DGKI: variants seen among roughly 807,000 people sequenced by gnomAD.
The protein encoded by DGKI is diacylglycerol kinase iota.
In DGKI, 55 loss-of-function variants were observed where a neutral mutation model predicts 147.5. The ratio of observed to expected loss-of-function variants is 0.37; its 90% CI spans 0.30 to 0.47. DGKI has a LOEUF of 0.47. Ranked by LOEUF, DGKI falls within the 20% of genes least tolerant of loss-of-function variation. The pLI, the probability that DGKI is intolerant of heterozygous loss-of-function variation, is 1.00. For missense variants in DGKI, 1,007 were observed against 1,323.8 expected (o/e 0.76, Z 3.71); for synonymous variants, 469 against 477.1 (o/e 0.98, Z 0.22).
At chr7:137,744,757 G>A (rs951728969) in intron 1 of DGKI, among the ~76,000 whole-genome samples, 12 of 152,076 alleles carry the variant, frequency 7.9e-5, no homozygotes, top group Admixed American at 2.0e-4. Context: ...ATTAATAAGC[G>A]TGATTTACCA....
chr7:137,690,922 T>C (rs909297462), intron 1 of DGKI, among the ~76,000 whole-genome samples: 2 of 152,236 alleles, frequency 1.3e-5, no homozygotes, highest in African/African-American at 4.8e-5. Context: ...GTTCAATTTC[T>C]GAATGGCCTC....
intron 20 of DGKI, among the ~76,000 whole-genome samples, chr7:137,550,083 G>A (rs764432905): frequency 8.6e-5 from 13 of 151,820 alleles, no homozygotes; most frequent in Non-Finnish European, 1.8e-4. Context: ...CTTTCAGAGG[G>A]CATGGGGTGG....
At chr7:137,738,708 A>T (rs1585428208) in intron 1 of DGKI, among the ~76,000 whole-genome samples, 1 of 139,102 alleles carries the variant, frequency 7.2e-6, no homozygotes, top group Non-Finnish European at 1.5e-5. Context: ...TTAGAAATTC[A>T]CAGAGAAGAT....
intron 13 of DGKI, among the ~76,000 whole-genome samples, chr7:137,586,162 C>T (rs1349509974): frequency 2.6e-5 from 4 of 152,022 alleles, no homozygotes; most frequent in African/African-American, 9.7e-5. Context: ...TGCAGTAACT[C>T]AAGCCTGTAA....
chr7:137,420,607 A>G (rs1366004723), intron 28 of DGKI, among the ~76,000 whole-genome samples: 2 of 151,990 alleles, frequency 1.3e-5, no homozygotes, highest in African/African-American at 2.4e-5. Flanking sequence ...TTTCTGGAGG[A>G]ACAGATTTTT....
chr7:137,459,871 A>G (rs1814362545), intron 27 of DGKI, among the ~76,000 whole-genome samples: 1 of 151,954 alleles, frequency 6.6e-6, no homozygotes, highest in Admixed American at 6.6e-5. Flanking sequence ...TCATTTCTTT[A>G]CACTGGGATT....
chr7:137,648,118 A>T (rs563194372), intron 5 of DGKI, among the ~76,000 whole-genome samples: 2 of 152,336 alleles, frequency 1.3e-5, no homozygotes, highest in African/African-American at 4.8e-5. Flanking sequence ...TTGAATATAT[A>T]AAAATGTCAG....
At chr7:137,417,209 C>T (rs1024437702) in intron 28 of DGKI, among the ~76,000 whole-genome samples, 1 of 152,094 alleles carries the variant, frequency 6.6e-6, no homozygotes, top group Non-Finnish European at 1.5e-5. Context: ...CTCCAAAATT[C>T]AAAGAAGCAG....
At chr7:137,547,327 T>C (rs145138787) in intron 20 of DGKI, among the ~76,000 whole-genome samples, 307 of 152,304 alleles carry the variant, frequency 2.0e-3, no homozygotes, top group African/African-American at 7.2e-3. Flanking sequence ...TGTATAATAA[T>C]AGCAAATGGG....
intron 1 of DGKI, among the ~76,000 whole-genome samples, chr7:137,714,297 T>C (rs1794309466): frequency 6.6e-6 from 1 of 152,214 alleles, no homozygotes; most frequent in African/African-American, 2.4e-5. Flanking sequence ...AAAAAAAATG[T>C]TTAAAAACAT....
chr7:137,477,085 T>C (rs1314044528), intron 23 of DGKI, among the ~76,000 whole-genome samples: 2 of 152,192 alleles, frequency 1.3e-5, no homozygotes, highest in East Asian at 3.8e-4. Flanking sequence ...CTAAGCTTCC[T>C]GTTTCTTACC....
chr7:137,469,513 C>A (rs1165222546), intron 24 of DGKI, 37 bp downstream of exon 24: 1 of 1,609,258 alleles, frequency 6.2e-7, no homozygotes, highest in Non-Finnish European at 8.5e-7. Context: ...TCAACTTCCC[C>A]AACTCCCACG....
At chr7:137,618,858 G>T (rs1820641784) in intron 8 of DGKI, among the ~76,000 whole-genome samples, 1 of 152,008 alleles carries the variant, frequency 6.6e-6, no homozygotes, top group Non-Finnish European at 1.5e-5. Flanking sequence ...TATCCCAAGG[G>T]CTTCCATAGA....
chr7:137,504,697 T>C (rs1770443340), intron 21 of DGKI, among the ~76,000 whole-genome samples: 1 of 152,162 alleles, frequency 6.6e-6, no homozygotes, highest in African/African-American at 2.4e-5. Flanking sequence ...TGCAAGTACT[T>C]GGTATCATTT....
intron 20 of DGKI, among the ~76,000 whole-genome samples, chr7:137,529,195 C>A (rs1052217021): frequency 6.6e-6 from 1 of 151,950 alleles, no homozygotes; most frequent in Non-Finnish European, 1.5e-5. Flanking sequence ...CTTAGGGGAG[C>A]GTGAATGATG....
chr7:137,846,424 C>T lies in DGKI; in HGVS notation c.401+38G>A. ...GGGTAGAAGAGTGGGTCTCCCGCCG[C>T]GGCGCACCTGTCTCGGCTGCCGGCT... is the stretch of plus-strand genomic sequence containing the variant. On this transcript the variant is annotated intron_variant, in intron 1 of 32. Transcript: ENST00000614521. The surrounding 1 kb of genome is among the most constrained non-coding windows in gnomAD (Gnocchi z 4.0). The T allele has an allele frequency of 6.7e-7, 1 of 1,500,320 alleles. No individual in the cohort carries two copies. The highest frequency in any genetic ancestry group is 9.1e-7 in the Non-Finnish European group (1 of 1,102,716). The allele number at this position is 1,500,320 out of a possible 1,614,324, so 92.9% of individuals were successfully genotyped here.
At chr7:137,537,782 T>C (rs1817567997) in intron 20 of DGKI, among the ~76,000 whole-genome samples, 1 of 152,200 alleles carries the variant, frequency 6.6e-6, no homozygotes, top group Non-Finnish European at 1.5e-5. Context: ...AGGCAAACCA[T>C]ATCTGATGGA....
chr7:137,396,371 A>G (rs1811552715), intron 31 of DGKI, among the ~76,000 whole-genome samples: 1 of 152,214 alleles, frequency 6.6e-6, no homozygotes, highest in Non-Finnish European at 1.5e-5. Context: ...TGTGGGAAGG[A>G]GCAAGGGAAA....
intron 21 of DGKI, among the ~76,000 whole-genome samples, chr7:137,512,855 A>G (rs1015602663): frequency 4.6e-5 from 7 of 152,186 alleles, no homozygotes; most frequent in Non-Finnish European, 1.0e-4. Flanking sequence ...GTTTATATTA[A>G]TAATAAGATC....
Sources: gnomAD v4.1 joint callset for allele counts (sites outside exome capture counted in the v4.1 genomes callset) on GRCh38, gnomAD v4.1.1 for gene constraint, Gnocchi (gnomAD v3.1) non-coding constraint, MANE v1.5 for transcripts, NCBI Gene and HGNC (gene_info 2026-07-23, HGNC 2026-07-21) for gene names.